The following TTC28 variants were observed in gnomAD, a reference collection of about 807,000 sequenced individuals.
TTC28 encodes tetratricopeptide repeat protein 28.
A neutral mutation model predicts 198.0 loss-of-function variants in TTC28; 61 were observed. That is an observed-to-expected ratio of 0.31 (90% CI 0.25 to 0.38). The LOEUF is 0.38. TTC28 is among the 10% of genes least tolerant of loss of function. The pLI, the probability that TTC28 is intolerant of heterozygous loss-of-function variation, is 1.00. For synonymous variants in TTC28, 1,171 were observed against 1,297.8 expected (o/e 0.90, Z 2.10); for missense variants, 2,678 against 3,164.0 (o/e 0.85, Z 3.69).
intron 2 of TTC28, among the ~76,000 whole-genome samples, chr22:28,599,478 C>T (rs2050603082): frequency 6.6e-6 from 1 of 152,154 alleles, no homozygotes; most frequent in African/African-American, 2.4e-5. Context: ...ATGGGATCCA[C>T]AAAATCCAAG....
chr22:28,363,305 C>T (rs942779602), intron 2 of TTC28, among the ~76,000 whole-genome samples: 2 of 152,162 alleles, frequency 1.3e-5, no homozygotes, highest in African/African-American at 2.4e-5. Context: ...AAGCCTGAAG[C>T]CTTGGCAGCT....
intron 9 of TTC28, among the ~76,000 whole-genome samples, chr22:28,100,947 TA>T (rs371663129): frequency 2.0e-5 from 3 of 152,362 alleles, no homozygotes; most frequent in African/African-American, 7.2e-5. Context: ...TAGCAGTTAA[TA>T]TAAAAATTCT....
intron 6 of TTC28, among the ~76,000 whole-genome samples, chr22:28,122,744 G>T (rs1225097318): frequency 6.6e-6 from 1 of 152,146 alleles, no homozygotes; most frequent in Non-Finnish European, 1.5e-5. Flanking sequence ...TAGATCATTC[G>T]TTATAGATTT....
chr22:28,544,069 A>T (rs1399597005), intron 2 of TTC28, among the ~76,000 whole-genome samples: 1 of 152,024 alleles, frequency 6.6e-6, no homozygotes, highest in African/African-American at 2.4e-5. Context: ...AAAAATACAA[A>T]AATTAGCCAG....
intron 2 of TTC28, among the ~76,000 whole-genome samples, chr22:28,615,053 A>C (rs1471235270): frequency 1.3e-5 from 2 of 152,212 alleles, no homozygotes; most frequent in Admixed American, 6.5e-5. Flanking sequence ...CCATCTGACA[A>C]AGGGCTAATA....
chr22:28,150,291 A>G (rs1213836551), intron 6 of TTC28, among the ~76,000 whole-genome samples: 1 of 152,170 alleles, frequency 6.6e-6, no homozygotes, highest in East Asian at 1.9e-4. Flanking sequence ...TACTGCCACA[A>G]TCATGTTGGT....
intron 2 of TTC28, among the ~76,000 whole-genome samples, chr22:28,524,190 C>G (rs1049466516): frequency 6.6e-6 from 1 of 152,030 alleles, no homozygotes; most frequent in Non-Finnish European, 1.5e-5. Flanking sequence ...TAATTACGCT[C>G]AAAAAATTAA....
intron 2 of TTC28, among the ~76,000 whole-genome samples, chr22:28,333,494 GT>G (rs2045649715): frequency 6.6e-6 from 1 of 152,028 alleles, no homozygotes; most frequent in Non-Finnish European, 1.5e-5. Flanking sequence ...AAGCAATCAG[GT>G]AAGAACGTCC....
chr22:28,230,853 A>C (rs945184902), intron 5 of TTC28, among the ~76,000 whole-genome samples: 1 of 152,168 alleles, frequency 6.6e-6, no homozygotes, highest in African/African-American at 2.4e-5. Flanking sequence ...GAAATGACCT[A>C]ATAGGAAGTC....
intron 14 of TTC28, chr22:28,008,528 G>C (rs1398094656): frequency 1.3e-5 from 2 of 152,210 alleles, no homozygotes; most frequent in Non-Finnish European, 2.9e-5. Flanking sequence ...TAGAACCTTG[G>C]TTTTTAAATT....
chr22:28,425,446 G>T (rs973760643), intron 2 of TTC28, among the ~76,000 whole-genome samples: 14 of 152,206 alleles, frequency 9.2e-5, no homozygotes, highest in African/African-American at 2.9e-4. Flanking sequence ...TCCTTCAGGG[G>T]TTTAAGATCA....
In TTC28 at chr22:28,001,510, A is replaced by G; in HGVS notation, c.4262T>C (p.Leu1421Pro). The change falls in exon 15 of 23, where the codon CTC (leucine) becomes CCC (proline). Residue 1421 changes from leucine (L) to proline (P), a missense_variant. Transcript: ENST00000397906. ...GAGCTCCCCCTCCAGAACCAGGATG[A>G]GCTGCCGGTGCCGGCCCACGGGGCC... ...SSGPVGRHRQ[L>P]ILVLEGELYL... 1 of 1,551,360 alleles carries G rather than the reference A, an allele frequency of 6.4e-7. No homozygotes were observed. The highest frequency in any genetic ancestry group is 8.7e-7 in the Non-Finnish European group (1 of 1,146,934).
intron 2 of TTC28, among the ~76,000 whole-genome samples, chr22:28,555,421 T>C (rs373546777): frequency 5.3e-5 from 8 of 152,132 alleles, no homozygotes; most frequent in African/African-American, 1.9e-4. Context: ...AATTTCTAAT[T>C]GCAAAAATAC....
intron 5 of TTC28, among the ~76,000 whole-genome samples, chr22:28,174,251 T>A (rs1178113067): frequency 5.3e-5 from 8 of 152,214 alleles, no homozygotes; most frequent in Non-Finnish European, 1.0e-4. Context: ...AGAGCCTTCA[T>A]GAGTACTAAA....
intron 5 of TTC28, among the ~76,000 whole-genome samples, chr22:28,164,328 G>A (rs1035941197): frequency 3.9e-5 from 6 of 152,202 alleles, no homozygotes; most frequent in South Asian, 2.1e-4. Flanking sequence ...TGAGATCTGA[G>A]AATGGGCAGA....
At chr22:28,614,277 G>A (rs1364164463) in intron 2 of TTC28, among the ~76,000 whole-genome samples, 1 of 152,124 alleles carries the variant, frequency 6.6e-6, no homozygotes, top group East Asian at 1.9e-4. Context: ...ACAAAACACT[G>A]CTCAAGGAAA....
At chr22:28,377,938 T>C (rs1018858408) in intron 2 of TTC28, among the ~76,000 whole-genome samples, 4 of 152,056 alleles carry the variant, frequency 2.6e-5, no homozygotes, top group Non-Finnish European at 5.9e-5. Flanking sequence ...ATTATAACAA[T>C]ATTCTATATG....
chr22:28,391,668 C>T (rs1281092309), intron 2 of TTC28, among the ~76,000 whole-genome samples: 1 of 152,180 alleles, frequency 6.6e-6, no homozygotes, highest in East Asian at 1.9e-4. Context: ...TCACATAGTT[C>T]TCGAGCCTTG....
intron 1 of TTC28, among the ~76,000 whole-genome samples, chr22:28,671,069 A>T (rs1279315414): frequency 1.3e-5 from 2 of 152,012 alleles, no homozygotes; most frequent in Non-Finnish European, 2.9e-5. Context: ...TGCTCACTGC[A>T]GCTGCGATTT....
Sources: gnomAD v4.1 joint callset for allele counts (sites outside exome capture counted in the v4.1 genomes callset) on GRCh38, gnomAD v4.1.1 for gene constraint, MANE v1.5 for transcripts, NCBI Gene and HGNC (gene_info 2026-07-23, HGNC 2026-07-21) for gene names.